CAMK4: variants seen among roughly 807,000 people sequenced by gnomAD.
CAMK4 encodes calcium/calmodulin-dependent protein kinase type IV.
Under a neutral mutation model 44.9 loss-of-function variants are expected in CAMK4, and 22 were observed. The ratio of observed to expected loss-of-function variants is 0.49; its 90% CI spans 0.35 to 0.70. The LOEUF is 0.70. Ranked by LOEUF, CAMK4 falls within the 30% of genes least tolerant of loss-of-function variation. The pLI is 0.01. For synonymous variants in CAMK4, 218 were observed against 215.4 expected (o/e 1.01, Z -0.11); for missense variants, 498 against 586.8 (o/e 0.85, Z 1.56).
chr5:111,271,205 C>A (rs139586519), intron 1 of CAMK4, among the ~76,000 whole-genome samples: 1 of 152,278 alleles, frequency 6.6e-6, no homozygotes, highest in Non-Finnish European at 1.5e-5. Flanking sequence ...ATGAGTATGT[C>A]AGTGGAACAC....
intron 2 of CAMK4, among the ~76,000 whole-genome samples, chr5:111,346,514 C>CTA (rs1749875656): frequency 1.4e-5 from 2 of 147,322 alleles, no homozygotes; most frequent in African/African-American, 5.0e-5. Flanking sequence ...ATCTATCTAT[C>CTA]TCCATCCATC....
intron 1 of CAMK4, among the ~76,000 whole-genome samples, chr5:111,228,509 GGTGTGTGTGTGTGT>G (rs373248608): frequency 4.1e-5 from 6 of 145,254 alleles, no homozygotes; most frequent in East Asian, 4.0e-4. Context: ...CATAGTAAGG[GGTGTGTGTGTGTGT>G]GTGTGTGTGT....
chr5:111,346,482 TTATCTATC>T (rs58011893), intron 2 of CAMK4, among the ~76,000 whole-genome samples: 51,793 of 149,882 alleles, frequency 0.35, 9,279 homozygotes, highest in Admixed American at 0.4. Context: ...GCTTGAAACT[TTATCTATC>T]TATCTATCTA....
intron 2 of CAMK4, among the ~76,000 whole-genome samples, chr5:111,370,217 T>C (rs2112813465): frequency 6.6e-6 from 1 of 152,306 alleles, no homozygotes. Flanking sequence ...GCCCAGACTT[T>C]TTGCAGTCTG....
At chr5:111,384,090 T>C (rs551451387) in intron 4 of CAMK4, among the ~76,000 whole-genome samples, 1 of 152,262 alleles carries the variant, frequency 6.6e-6, no homozygotes, top group Admixed American at 6.5e-5. Context: ...ATTGATCTCC[T>C]AATATTAACT....
intron 5 of CAMK4, among the ~76,000 whole-genome samples, chr5:111,430,642 A>G (rs1471939201): frequency 1.3e-5 from 2 of 152,242 alleles, no homozygotes; most frequent in Non-Finnish European, 2.9e-5. Flanking sequence ...AAAAATCAGT[A>G]GCATTTCTAT....
intron 5 of CAMK4, among the ~76,000 whole-genome samples, chr5:111,421,199 C>T (rs527324220): frequency 2.9e-4 from 44 of 152,304 alleles, no homozygotes; most frequent in Middle Eastern, 3.4e-3. Context: ...CCTGACTTCC[C>T]GCAACAATAT....
intron 1 of CAMK4, among the ~76,000 whole-genome samples, chr5:111,317,436 C>A (rs1748472506): frequency 1.3e-5 from 2 of 152,072 alleles, no homozygotes; most frequent in Non-Finnish European, 2.9e-5. Context: ...TTTCTTAGGG[C>A]AATAAGCAAT....
intron 7 of CAMK4, among the ~76,000 whole-genome samples, chr5:111,467,663 C>G (rs888319035): frequency 6.6e-5 from 10 of 152,144 alleles, no homozygotes; most frequent in African/African-American, 2.4e-4. Context: ...TGCCACCTTA[C>G]TCCTGCAAGA....
At chr5:111,294,146 T>G (rs916950306) in intron 1 of CAMK4, among the ~76,000 whole-genome samples, 1 of 152,212 alleles carries the variant, frequency 6.6e-6, no homozygotes, top group African/African-American at 2.4e-5. Context: ...TGCTAATATA[T>G]TCAAATGAAT....
At chr5:111,282,241 A>G (rs1751055398) in intron 1 of CAMK4, among the ~76,000 whole-genome samples, 1 of 152,206 alleles carries the variant, frequency 6.6e-6, no homozygotes, top group South Asian at 2.1e-4. Context: ...CATTTAAAAT[A>G]CAAGTGTATA....
intron 1 of CAMK4, among the ~76,000 whole-genome samples, chr5:111,226,681 C>G (rs1430675491): frequency 1.3e-5 from 2 of 152,144 alleles, no homozygotes; most frequent in East Asian, 3.9e-4. Flanking sequence ...ACACAAAACA[C>G]AATATTCAAA....
chr5:111,335,089 C>G (rs942751290), intron 1 of CAMK4, among the ~76,000 whole-genome samples: 1 of 151,504 alleles, frequency 6.6e-6, no homozygotes, highest in Non-Finnish European at 1.5e-5. Flanking sequence ...TTCCAGACTT[C>G]TGTGTGATAA....
chr5:111,426,045 T>C (rs1036117322), intron 5 of CAMK4, among the ~76,000 whole-genome samples: 3 of 152,190 alleles, frequency 2.0e-5, no homozygotes, highest in Non-Finnish European at 4.4e-5. Context: ...ATATCTTATA[T>C]TCATGTGTAA....
intron 5 of CAMK4, among the ~76,000 whole-genome samples, chr5:111,395,143 G>T (rs1317505944): frequency 6.7e-6 from 1 of 149,912 alleles, no homozygotes; most frequent in Admixed American, 6.7e-5. Context: ...TGGGAGGTGG[G>T]GAGTTGCAGT....
chr5:111,241,464 G>A (rs1748988925), intron 1 of CAMK4, among the ~76,000 whole-genome samples: 1 of 152,074 alleles, frequency 6.6e-6, no homozygotes, highest in Non-Finnish European at 1.5e-5. Context: ...GATGTCATGT[G>A]ACATCTCTAT....
intron 2 of CAMK4, among the ~76,000 whole-genome samples, chr5:111,369,268 T>C (rs1750915094): frequency 6.6e-6 from 1 of 151,948 alleles, no homozygotes; most frequent in African/African-American, 2.4e-5. Flanking sequence ...TTTCACCATG[T>C]TGGCCAGGCT....
At chr5:111,456,491 A>AAAAAAT (rs3066728) in intron 7 of CAMK4, among the ~76,000 whole-genome samples, 117 of 149,926 alleles carry the variant, frequency 7.8e-4, no homozygotes, top group African/African-American at 2.7e-3. Flanking sequence ...ACTCCATCTC[A>AAAAAAT]AAAAATAAAA....
At chr5:111,285,927 G>T (rs1395692045) in intron 1 of CAMK4, among the ~76,000 whole-genome samples, 2 of 152,156 alleles carry the variant, frequency 1.3e-5, no homozygotes, top group African/African-American at 4.8e-5. Flanking sequence ...CTGGTGAGAA[G>T]GACCCTTCAT....
Sources: allele counts gnomAD v4.1 joint callset (sites outside exome capture counted in the v4.1 genomes callset), GRCh38; gene constraint gnomAD v4.1.1; transcripts MANE v1.5; gene names NCBI Gene and HGNC (gene_info 2026-07-23, HGNC 2026-07-21).